BFSP1: variants seen among roughly 807,000 people sequenced by gnomAD.
The protein encoded by BFSP1 is beaded filament structural protein 1.
BFSP1 carries 38 observed loss-of-function variants against 43.9 expected under a neutral mutation model. The ratio of observed to expected loss-of-function variants is 0.87; its 90% confidence interval spans 0.67 to 1.14. The LOEUF (loss-of-function observed/expected upper bound fraction) is 1.14, where lower values mean the gene tolerates loss of function less well. Ranked by LOEUF, BFSP1 falls within the 50% of genes most tolerant of loss-of-function variation. BFSP1 has a pLI of 0.00. For synonymous variants in BFSP1, 352 were observed against 354.8 expected, an observed-to-expected ratio of 0.99 and a Z score of 0.09; for missense variants, 850 against 875.1, an observed-to-expected ratio of 0.97 and a Z score of 0.36.
Position 17,497,459 on chromosome 20 carries a change from T to TACACACACACACAC in BFSP1, c.957-437_957-436insGTGTGTGTGTGTGT, listed in dbSNP as rs34512937. Among the ~76,000 whole-genome samples the TACACACACACACAC allele has an allele frequency of 4.2e-4, 61 of 144,952 alleles. 1 individual carries two copies. Among genetic ancestry groups the TACACACACACACAC allele is most frequent in the African/African-American group, 1.4e-3 (55 of 38,958 alleles). ...ATATATACGTGTATGTATATATATA[T>TACACACACACACAC]ACACACACACACGTATATATACGTG... On this transcript the variant is annotated intron_variant, in intron 6 of 7. Transcript: ENST00000377873.
At position 17,494,081 on chromosome 20, in the gene BFSP1, C is replaced by T. The variant is rs372950840; in HGVS notation, c.1991G>A (p.Ser664Asn). The T allele has an allele frequency of 5.6e-6, 9 of 1,610,188 alleles. No individual in the cohort carries two copies. The highest frequency in any genetic ancestry group is 2.7e-5 in the African/African-American group (2 of 74,718). ...KSDKKKSGEK[S>N]S is the part of the protein sequence containing the mutation. ...CCATCAAGCCTGGGCATTTTAAGAG[C>T]TCTTCTCTCCTGATTTCTTCTTGTC... Residue 664 changes from serine to asparagine, a missense_variant, in exon 8 of 8, where the codon AGC becomes AAC. Physicochemically the swap from Ser to Asn is conservative, Grantham distance 46. Coordinates refer to ENST00000377873, the MANE Select transcript of BFSP1 (RefSeq NM_001195.5).
intron 2 of BFSP1, among the ~76,000 whole-genome samples, chr20:17,518,932 C>A (rs1355932787): frequency 6.6e-6 from 1 of 152,170 alleles, no homozygotes; most frequent in Admixed American, 6.5e-5. Flanking sequence ...TGTTCCCGGA[C>A]GCATCCCACT....
upstream of BFSP1, among the ~76,000 whole-genome samples, chr20:17,559,351 C>T (rs769187093): frequency 3.9e-5 from 6 of 152,316 alleles, no homozygotes; most frequent in African/African-American, 1.2e-4. Flanking sequence ...ATTACTAGAA[C>T]AGGATACTTC....
chr20:17,515,894 T>C (rs1211877169), intron 2 of BFSP1, among the ~76,000 whole-genome samples: 2 of 152,200 alleles, frequency 1.3e-5, no homozygotes, highest in African/African-American at 2.4e-5. Context: ...GACTAAAATA[T>C]GTAAGAGACA....
In BFSP1 at chr20:17,499,025, G is replaced by T; in HGVS notation, c.751C>A (p.Gln251Lys). 2.5e-6 allele frequency: 4 copies of T among 1,614,116 alleles called. No individual in the cohort carries two copies. The highest frequency in any genetic ancestry group is 3.4e-6 in the Non-Finnish European group (4 of 1,180,002). The change falls in exon 6 of 8, where the codon CAA becomes AAA. Residue 251 changes from glutamine to lysine, a missense_variant. By Grantham distance (53) the Gln-to-Lys change is moderately conservative. Coordinates refer to ENST00000377873, the MANE Select transcript of BFSP1 (RefSeq NM_001195.5). ...CACTCATGGGCACTTTTAATAGCTT[G>T]TTCCAGAGTTGTTGTCTGTGGGCAA... The part of the protein sequence containing the change: ...ELQAQTTTLE[Q>K]AIKSAHECYD...
intron 2 of BFSP1, among the ~76,000 whole-genome samples, chr20:17,521,314 T>C (rs2034314991): frequency 6.6e-6 from 1 of 152,208 alleles, no homozygotes; most frequent in South Asian, 2.1e-4. Context: ...ACAGGAGCTC[T>C]TTCCGTAGGC....
At chr20:17,545,111 G>A (rs889729245) in intron 1 of BFSP1, among the ~76,000 whole-genome samples, 6 of 152,222 alleles carry the variant, frequency 3.9e-5, no homozygotes, top group Admixed American at 6.5e-5. Flanking sequence ...TTTCCCAGGC[G>A]AGGCTTCAAT....
chr20:17,542,793 T>A (rs977536977), intron 1 of BFSP1, among the ~76,000 whole-genome samples: 1 of 152,212 alleles, frequency 6.6e-6, no homozygotes, highest in Admixed American at 6.5e-5. Context: ...TAGACTAGAA[T>A]TAGAGTATAT....
intron 2 of BFSP1, among the ~76,000 whole-genome samples, chr20:17,518,336 C>G (rs1047383962): frequency 5.3e-5 from 8 of 152,312 alleles, no homozygotes; most frequent in Admixed American, 3.3e-4. Context: ...AGCCATTGAC[C>G]TTTAACGAGC....
chr20:17,508,776 T>G, intron 5 of BFSP1, 113 bp downstream of exon 5: 1 of 1,030,832 alleles, frequency 9.7e-7, no homozygotes. Flanking sequence ...GCCAGGAACA[T>G]AGGATATGTT....
chr20:17,530,611 A>C (rs1052902348), intron 1 of BFSP1, among the ~76,000 whole-genome samples: 2 of 152,230 alleles, frequency 1.3e-5, no homozygotes, highest in African/African-American at 4.8e-5. Flanking sequence ...GGTAGTGGAA[A>C]TATCTCACTT....
At chr20:17,530,901 C>A in intron 1 of BFSP1, 52 bp downstream of exon 1, 3 of 1,328,862 alleles carry the variant, frequency 2.3e-6, no homozygotes, top group South Asian at 1.9e-5. Flanking sequence ...AGCCCCGCGC[C>A]GCCGGGACGG....
At chr20:17,543,940 A>G (rs1302969316) in intron 1 of BFSP1, among the ~76,000 whole-genome samples, 1 of 152,234 alleles carries the variant, frequency 6.6e-6, no homozygotes, top group South Asian at 2.1e-4. Context: ...TGAGACTTAA[A>G]TGTTGTCTGG....
chr20:17,548,180 C>CAAAAAAAAAAAAAA (rs11470598), intron 1 of BFSP1, among the ~76,000 whole-genome samples: 38 of 119,686 alleles, frequency 3.2e-4, no homozygotes, highest in East Asian at 1.1e-3. Context: ...GAAAATAATG[C>CAAAAAAAAAAAAAA]AAAAAAAAAA....
At chr20:17,497,401 C>T (rs188927678) in intron 6 of BFSP1, among the ~76,000 whole-genome samples, 1 of 150,126 alleles carries the variant, frequency 6.7e-6, no homozygotes, top group East Asian at 2.0e-4. Flanking sequence ...TTAGGGCAAA[C>T]AGAGTATGAT....
chr20:17,523,694 TTGAC>T (rs1188986507), intron 2 of BFSP1, among the ~76,000 whole-genome samples: 1 of 150,930 alleles, frequency 6.6e-6, no homozygotes, highest in African/African-American at 2.4e-5. Flanking sequence ...CCAGCCTGCA[TTGAC>T]TGACCTGTGT....
chr20:17,552,796 A>G (rs2034916248), intron 1 of BFSP1, among the ~76,000 whole-genome samples: 1 of 152,216 alleles, frequency 6.6e-6, no homozygotes, highest in Non-Finnish European at 1.5e-5. Context: ...CTGGAAGTGA[A>G]GCAGATTTGG....
At position 17,554,683 on chromosome 20, in the gene BFSP1, T is replaced by G. The variant is rs564882213; in HGVS notation, c.2+4005A>C. ...AATATTAGATGCTTTTCCACCAAAG[T>G]CAGGAACAAGATAAGGATCGCCACC... On this transcript the variant is annotated intron_variant, in intron 1 of 7. Coordinates refer to the BFSP1 transcript ENST00000377868. Among the ~76,000 whole-genome samples the G allele has an allele frequency of 5.3e-5, 8 of 152,144 alleles. 2 individuals are homozygous for G. Among genetic ancestry groups the G allele is most frequent in the African/African-American group, 1.9e-4 (8 of 41,490 alleles).
intron 1 of BFSP1, among the ~76,000 whole-genome samples, chr20:17,552,109 G>A (rs533181766): frequency 2.2e-4 from 34 of 152,294 alleles, no homozygotes; most frequent in African/African-American, 7.9e-4. Context: ...AATAAGTGGT[G>A]ATAAGTGTTA....
Sources: gnomAD v4.1 joint callset for allele counts (sites outside exome capture counted in the v4.1 genomes callset) on GRCh38, gnomAD v4.1.1 for gene constraint, MANE v1.5 for transcripts, NCBI Gene and HGNC (gene_info 2026-07-23, HGNC 2026-07-21) for gene names.